ADAMTS16: variants seen among roughly 807,000 people sequenced by gnomAD.
The protein encoded by ADAMTS16 is A disintegrin and metalloproteinase with thrombospondin motifs 16.
Under a neutral mutation model 145.8 loss-of-function variants are expected in ADAMTS16, and 94 were observed. The observed-to-expected ratio is 0.64, with a 90% CI of 0.55 to 0.77. The LOEUF (loss-of-function observed/expected upper bound fraction) is 0.77, where lower values mean the gene tolerates loss of function less well. Among genes scored for constraint, ADAMTS16 ranks in the 30% least tolerant of loss-of-function variants. The probability of loss-of-function intolerance (pLI) is 0.00; values close to 1 mark genes in which losing one functional copy is unlikely to be tolerated. For synonymous variants in ADAMTS16, 659 were observed against 604.3 expected (o/e 1.09, Z -1.33); for missense variants, 1,585 against 1,591.5 (o/e 1.00, Z 0.07).
intron 20 of ADAMTS16, among the ~76,000 whole-genome samples, chr5:5,305,617 G>A (rs556795085): frequency 6.6e-6 from 1 of 152,242 alleles, no homozygotes; most frequent in East Asian, 1.9e-4. Flanking sequence ...AGTGTTCCAA[G>A]TCCTCTCCAT....
intron 3 of ADAMTS16, among the ~76,000 whole-genome samples, chr5:5,156,548 A>G (rs974208613): frequency 6.6e-6 from 1 of 152,156 alleles, no homozygotes; most frequent in Non-Finnish European, 1.5e-5. Flanking sequence ...TTATTCTTGT[A>G]TGGGGCTGGA....
At chr5:5,215,697 C>CATATAT (rs57628837) in intron 10 of ADAMTS16, among the ~76,000 whole-genome samples, 4,951 of 131,772 alleles carry the variant, frequency 0.038, 162 homozygotes, top group African/African-American at 0.073. Flanking sequence ...TATTCCATTA[C>CATATAT]ATATATATAT....
intron 21 of ADAMTS16, among the ~76,000 whole-genome samples, chr5:5,307,977 A>C (rs998738623): frequency 2.0e-4 from 30 of 152,190 alleles, no homozygotes; most frequent in African/African-American, 7.0e-4. Context: ...GCCTATTGTC[A>C]TGGGGGCTGA....
At chr5:5,222,086 G>A (rs1015318852) in intron 10 of ADAMTS16, among the ~76,000 whole-genome samples, 5 of 152,210 alleles carry the variant, frequency 3.3e-5, no homozygotes, top group African/African-American at 1.2e-4. Flanking sequence ...TTTGGACTCA[G>A]TAAAAACAAT....
intron 3 of ADAMTS16, among the ~76,000 whole-genome samples, chr5:5,159,482 A>G (rs1734688116): frequency 6.6e-6 from 1 of 152,172 alleles, no homozygotes; most frequent in South Asian, 2.1e-4. Context: ...CTGAACAAGT[A>G]TTTGTTCTCC....
At position 5,319,611 on chromosome 5, in the gene ADAMTS16, A is replaced by G; in HGVS notation, c.*473A>G. On this transcript the variant is annotated 3_prime_UTR_variant, in exon 23 of 23. Coordinates refer to ENST00000274181, the MANE Select transcript of ADAMTS16 (RefSeq NM_139056.4). ...AGGGCCCCTCGAGCCATCAGGAGTG[A>G]CCAACTTCCTGGGTGGAGGTCAGGG... 3.0e-6 allele frequency: 1 copy of G among 330,086 alleles called. No individual in the cohort carries two copies. Among genetic ancestry groups the G allele is most frequent in the Non-Finnish European group, 5.8e-6 (1 of 171,652 alleles). The allele number at this position is 330,086 out of a possible 1,614,324, so 20.4% of individuals were successfully genotyped here. A position where few individuals can be genotyped will look rare whatever the true frequency, so the allele number is the denominator to read the frequency against.
chr5:5,252,189 C>G (rs1464098330), intron 17 of ADAMTS16, among the ~76,000 whole-genome samples: 2 of 152,186 alleles, frequency 1.3e-5, no homozygotes, highest in Admixed American at 6.5e-5. Context: ...CTACAATGCA[C>G]AGGAAAGTCG....
chr5:5,285,578 G>C (rs1040417436), intron 18 of ADAMTS16, among the ~76,000 whole-genome samples: 1 of 152,220 alleles, frequency 6.6e-6, no homozygotes, highest in Non-Finnish European at 1.5e-5. Context: ...CAGATTTGTT[G>C]TGAGAATTAA....
chr5:5,296,893 G>T lies in ADAMTS16; in HGVS notation c.2790-6375G>T, dbSNP rs144859012. Among the ~76,000 whole-genome samples, 240 of 152,300 alleles carry T rather than the reference G, an allele frequency of 1.6e-3. 2 individuals are homozygous for T. Among genetic ancestry groups the T allele is most frequent in the African/African-American group, 5.3e-3 (220 of 41,570 alleles). On this transcript the variant is annotated intron_variant, in intron 18 of 22. Transcript: ENST00000274181. ...ACAGTAGTTTTTAGTCCATAGCAAA[G>T]GTAATTGTAGTAGAAACCGTTGGCT...
chr5:5,288,111 G>T (rs113396599), intron 18 of ADAMTS16, among the ~76,000 whole-genome samples: 7 of 152,170 alleles, frequency 4.6e-5, no homozygotes. Context: ...TGTCATAAAA[G>T]GAAGGAGTCG....
chr5:5,176,553 A>G (rs1480582978), intron 3 of ADAMTS16, among the ~76,000 whole-genome samples: 1 of 152,182 alleles, frequency 6.6e-6, no homozygotes, highest in East Asian at 1.9e-4. Flanking sequence ...GGCCAGAAAT[A>G]TGGATGTTCT....
chr5:5,307,939 A>G (rs574638855), intron 21 of ADAMTS16, among the ~76,000 whole-genome samples: 11 of 152,316 alleles, frequency 7.2e-5, no homozygotes, highest in Non-Finnish European at 1.6e-4. Flanking sequence ...TTCCTGGGCG[A>G]GGGCAGCAGA....
chr5:5,158,937 T>C (rs1478622122), intron 3 of ADAMTS16, among the ~76,000 whole-genome samples: 1 of 152,234 alleles, frequency 6.6e-6, no homozygotes, highest in Admixed American at 6.5e-5. Context: ...ATAGGCACTT[T>C]CACCACCCTG....
chr5:5,219,927 C>T (rs1736544557), intron 10 of ADAMTS16, among the ~76,000 whole-genome samples: 1 of 152,208 alleles, frequency 6.6e-6, no homozygotes, highest in Admixed American at 6.5e-5. Context: ...TGAAGTTACT[C>T]TGAATGGTAG....
intron 17 of ADAMTS16, among the ~76,000 whole-genome samples, chr5:5,251,919 C>T (rs886930492): frequency 1.3e-5 from 2 of 152,040 alleles, no homozygotes; most frequent in African/African-American, 2.4e-5. Context: ...TGCAGTGGCG[C>T]GACCTCGGCT....
chr5:5,212,928 CTT>C (rs1212079427), intron 10 of ADAMTS16, among the ~76,000 whole-genome samples: 1 of 152,060 alleles, frequency 6.6e-6, no homozygotes, highest in African/African-American at 2.4e-5. Flanking sequence ...CCTTGACTTG[CTT>C]TTTAACTGTA....
intron 17 of ADAMTS16, among the ~76,000 whole-genome samples, chr5:5,256,031 C>A (rs539708787): frequency 6.6e-6 from 1 of 152,228 alleles, no homozygotes; most frequent in South Asian, 2.1e-4. Context: ...TTTTTGGAAC[C>A]TGCTACCTGA....
At chr5:5,175,546 C>G (rs907217372) in intron 3 of ADAMTS16, among the ~76,000 whole-genome samples, 1 of 152,134 alleles carries the variant, frequency 6.6e-6, no homozygotes, top group African/African-American at 2.4e-5. Flanking sequence ...CCAAGTCCAC[C>G]GGTTGTACAC....
rs182209538 is a variant in ADAMTS16 at position 5,252,152 on chromosome 5, G to A, written c.2662+9961G>A. ...GCGTGAGCCACCGTGCCTGGCCGTC[G>A]GTGCTTTTAATACTACATCCCCGTG... On this transcript the variant is annotated intron_variant, in intron 17 of 22. Transcript: ENST00000274181. Among the ~76,000 whole-genome samples the A allele has an allele frequency of 1.9e-4, 29 of 152,186 alleles. No individual in the cohort carries two copies. In the East Asian group the frequency reaches 4.3e-3, roughly 22 times the overall value.
Sources: allele counts gnomAD v4.1 joint callset (sites outside exome capture counted in the v4.1 genomes callset), GRCh38; gene constraint gnomAD v4.1.1; transcripts MANE v1.5; gene names NCBI Gene and HGNC (gene_info 2026-07-23, HGNC 2026-07-21).